ARHGAP32: variants seen among roughly 807,000 people sequenced by gnomAD.
ARHGAP32 encodes the protein rho GTPase-activating protein 32.
Under a neutral mutation model 186.5 loss-of-function variants are expected in ARHGAP32, and 51 were observed. The observed-to-expected ratio is 0.27, with a 90% CI of 0.22 to 0.35. The LOEUF (loss-of-function observed/expected upper bound fraction) is 0.35. ARHGAP32 is among the 10% of genes least tolerant of loss of function. ARHGAP32 has a pLI of 1.00. For synonymous variants in ARHGAP32, 950 were observed against 964.3 expected, an observed-to-expected ratio of 0.99 and a Z score of 0.27; for missense variants, 2,186 against 2,623.5, an observed-to-expected ratio of 0.83 and a Z score of 3.64.
upstream of ARHGAP32, among the ~76,000 whole-genome samples, chr11:129,194,159 T>C (rs971750258): frequency 6.6e-6 from 1 of 152,140 alleles, no homozygotes; most frequent in Non-Finnish European, 1.5e-5. Context: ...GAGTTTAAAC[T>C]GGTACAACCT....
At chr11:129,089,742 A>T (rs1418589264) in intron 6 of ARHGAP32, among the ~76,000 whole-genome samples, 3 of 152,214 alleles carry the variant, frequency 2.0e-5, no homozygotes, top group Non-Finnish European at 4.4e-5. Flanking sequence ...CTGGCAGTTT[A>T]TAAGGTTATA....
intron 2 of ARHGAP32, among the ~76,000 whole-genome samples, chr11:129,125,476 T>C (rs920072240): frequency 6.6e-6 from 1 of 152,052 alleles, no homozygotes; most frequent in Non-Finnish European, 1.5e-5. Context: ...AGTCCAAATA[T>C]CTATTTTAAA....
chr11:129,116,475 C>CA (rs1227489882), intron 5 of ARHGAP32, among the ~76,000 whole-genome samples: 1 of 151,948 alleles, frequency 6.6e-6, no homozygotes, highest in African/African-American at 2.4e-5. Context: ...GAGTATACTG[C>CA]AGAACATGCA....
Position 129,010,335 on chromosome 11 carries a change from GT to G in ARHGAP32, c.1046-11868del, listed in dbSNP as rs544181012. On this transcript the variant is annotated intron_variant, in intron 11 of 22. Transcript: ENST00000682385. ...GTCAATTTTTGCTTTTGTTGCAATT[GT>G]TTTTGGTGTTTTCGTCATGAAATCT... 2.4e-4 allele frequency among the ~76,000 whole-genome samples: 37 copies of G among 152,252 alleles called. 1 individual carries two copies. In the East Asian group the frequency reaches 7.1e-3, roughly 29 times the overall value.
chr11:129,008,786 T>C (rs1937918845), intron 11 of ARHGAP32, among the ~76,000 whole-genome samples: 1 of 152,232 alleles, frequency 6.6e-6, no homozygotes, highest in Non-Finnish European at 1.5e-5. Flanking sequence ...GTATCTGAGA[T>C]TCCTCACAGT....
intron 9 of ARHGAP32, among the ~76,000 whole-genome samples, 152 bp downstream of exon 9, chr11:129,063,750 T>C (rs534031227): frequency 8.6e-5 from 13 of 152,036 alleles, no homozygotes; most frequent in African/African-American, 3.1e-4. Flanking sequence ...TAAACAAAAA[T>C]AGAAGATATT....
intron 1 of ARHGAP32, among the ~76,000 whole-genome samples, chr11:129,277,281 A>G (rs545450428): frequency 6.6e-6 from 1 of 152,198 alleles, no homozygotes; most frequent in Non-Finnish European, 1.5e-5. Context: ...TCGCAGGCCA[A>G]CTTCAGAAAA....
At chr11:129,020,175 T>C (rs1286310281) in intron 11 of ARHGAP32, among the ~76,000 whole-genome samples, 1 of 152,052 alleles carries the variant, frequency 6.6e-6, no homozygotes, top group African/African-American at 2.4e-5. Flanking sequence ...TAAAACGTCA[T>C]TGGAGAACTT....
intron 3 of ARHGAP32, among the ~76,000 whole-genome samples, chr11:129,124,139 T>C (rs145997038): frequency 4.5e-4 from 68 of 152,282 alleles, no homozygotes; most frequent in African/African-American, 1.5e-3. Context: ...TTTGCATATA[T>C]CTATGGGATA....
chr11:129,248,377 G>A (rs1945132804), intron 1 of ARHGAP32, among the ~76,000 whole-genome samples: 1 of 152,062 alleles, frequency 6.6e-6, no homozygotes, highest in African/African-American at 2.4e-5. Context: ...GCGATGCAGT[G>A]TTTTTATTTA....
intron 12 of ARHGAP32, among the ~76,000 whole-genome samples, chr11:128,996,654 T>C (rs1366986691): frequency 3.3e-5 from 5 of 152,214 alleles, no homozygotes; most frequent in East Asian, 1.9e-4. Flanking sequence ...AGCTCTTCCA[T>C]GTGACATGGT....
chr11:129,120,994 C>T (rs597558), intron 5 of ARHGAP32, among the ~76,000 whole-genome samples: 19,686 of 151,968 alleles, frequency 0.13, 1,398 homozygotes, highest in Non-Finnish European at 0.15. Flanking sequence ...CATATTCCAA[C>T]CTTATATTGA....
chr11:129,057,723 T>C (rs1209083213), intron 10 of ARHGAP32, among the ~76,000 whole-genome samples: 1 of 150,042 alleles, frequency 6.7e-6, no homozygotes, highest in East Asian at 1.9e-4. Context: ...AAAAAAAATC[T>C]GTGTATTAGT....
At chr11:129,183,824 A>G (rs1944103508) in intron 1 of ARHGAP32, among the ~76,000 whole-genome samples, 1 of 152,106 alleles carries the variant, frequency 6.6e-6, no homozygotes, top group Non-Finnish European at 1.5e-5. Flanking sequence ...TCCCTGCAGA[A>G]AAGTTTCCTC....
At chr11:129,128,774 G>A (rs1046034374) in intron 2 of ARHGAP32, among the ~76,000 whole-genome samples, 2 of 152,196 alleles carry the variant, frequency 1.3e-5, no homozygotes, top group African/African-American at 2.4e-5. Context: ...TGGTGGAGAC[G>A]GGGTTTCGCC....
intron 5 of ARHGAP32, among the ~76,000 whole-genome samples, chr11:129,101,136 G>A (rs932358714): frequency 4.6e-5 from 7 of 152,032 alleles, no homozygotes; most frequent in African/African-American, 1.7e-4. Context: ...CAGAAATGAA[G>A]CCAATCAGCT....
chr11:129,077,294 G>A (rs1941074206), intron 6 of ARHGAP32, among the ~76,000 whole-genome samples: 1 of 152,172 alleles, frequency 6.6e-6, no homozygotes, highest in Admixed American at 6.5e-5. Flanking sequence ...GGTTGGGTTG[G>A]GAGGTAAACA....
At chr11:129,016,729 T>C (rs189790138) in intron 11 of ARHGAP32, among the ~76,000 whole-genome samples, 3 of 152,322 alleles carry the variant, frequency 2.0e-5, no homozygotes, top group Admixed American at 6.5e-5. Flanking sequence ...TAGAATCAGC[T>C]TGTCAAATTA....
chr11:129,174,192 G>A (rs1416396636), intron 1 of ARHGAP32, among the ~76,000 whole-genome samples: 8 of 152,212 alleles, frequency 5.3e-5, no homozygotes, highest in Non-Finnish European at 7.3e-5. Context: ...ACGGCACCTG[G>A]AAAATCGGTT....
Sources: allele counts gnomAD v4.1 joint callset (sites outside exome capture counted in the v4.1 genomes callset), GRCh38; gene constraint gnomAD v4.1.1; transcripts MANE v1.5; gene names NCBI Gene and HGNC (gene_info 2026-07-23, HGNC 2026-07-21).